The following GALNTL6 variants were observed in gnomAD, a reference collection of about 807,000 sequenced individuals.
GALNTL6 encodes the protein polypeptide N-acetylgalactosaminyltransferase like 6.
Under a neutral mutation model 73.7 loss-of-function variants are expected in GALNTL6, and 46 were observed. The ratio of observed to expected loss-of-function variants is 0.62; its 90% CI spans 0.49 to 0.80. The LOEUF (loss-of-function observed/expected upper bound fraction) is 0.80. GALNTL6 is among the 30% of genes least tolerant of loss of function. The pLI, the probability that GALNTL6 is intolerant of heterozygous loss-of-function variation, is 0.00. For missense variants in GALNTL6, 604 were observed against 755.0 expected (o/e 0.80, Z 2.34); for synonymous variants, 259 against 263.7 (o/e 0.98, Z 0.17).
intron 5 of GALNTL6, among the ~76,000 whole-genome samples, chr4:172,495,672 T>G (rs1263536515): frequency 1.3e-5 from 2 of 152,174 alleles, no homozygotes; most frequent in African/African-American, 4.8e-5. Context: ...ATGCCTTTAG[T>G]ACTTTGCTTT....
At chr4:172,624,070 A>G (rs943973681) in intron 5 of GALNTL6, among the ~76,000 whole-genome samples, 1 of 152,130 alleles carries the variant, frequency 6.6e-6, no homozygotes, top group African/African-American at 2.4e-5. Context: ...GGATCATCCA[A>G]TATAATTTAA....
chr4:172,755,135 A>G (rs766475176), intron 5 of GALNTL6, among the ~76,000 whole-genome samples: 18 of 152,132 alleles, frequency 1.2e-4, no homozygotes, highest in Non-Finnish European at 1.8e-4. Flanking sequence ...TGCAGATTCT[A>G]CTACATCATT....
intron 5 of GALNTL6, among the ~76,000 whole-genome samples, chr4:172,497,051 G>A (rs1450831618): frequency 1.3e-5 from 2 of 152,096 alleles, no homozygotes; most frequent in Admixed American, 6.6e-5. Context: ...AAAATAAAGT[G>A]CCTTTCAATC....
At chr4:172,491,038 CA>C (rs11321007) in intron 5 of GALNTL6, among the ~76,000 whole-genome samples, 149,854 of 151,334 alleles carry the variant, frequency 0.99, 74,215 homozygotes, top group Middle Eastern at 1. Context: ...AAAACAAAGA[CA>C]AAAAAAAAAC....
At chr4:172,576,907 C>A (rs1040078325) in intron 5 of GALNTL6, among the ~76,000 whole-genome samples, 1 of 152,122 alleles carries the variant, frequency 6.6e-6, no homozygotes, top group Non-Finnish European at 1.5e-5. Flanking sequence ...AATTCTCTGC[C>A]ATGGGGATAC....
chr4:172,871,877 G>C (rs572565854), intron 7 of GALNTL6, among the ~76,000 whole-genome samples: 2 of 151,822 alleles, frequency 1.3e-5, no homozygotes, highest in African/African-American at 2.4e-5. Flanking sequence ...TCCTCCTCCC[G>C]GGTTCAAGTG....
chr4:172,254,131 A>G (rs190130558), intron 3 of GALNTL6, among the ~76,000 whole-genome samples: 13 of 151,926 alleles, frequency 8.6e-5, no homozygotes, highest in South Asian at 2.1e-4. Flanking sequence ...ACATTCTGCT[A>G]AAAACGGCTA....
At chr4:171,843,228 T>C (rs1427304845) in intron 2 of GALNTL6, among the ~76,000 whole-genome samples, 1 of 152,118 alleles carries the variant, frequency 6.6e-6, no homozygotes, top group African/African-American at 2.4e-5. Flanking sequence ...CTACAATGAA[T>C]ATTCTGTTTA....
At chr4:171,973,804 ATG>A (rs1739640472) in intron 2 of GALNTL6, among the ~76,000 whole-genome samples, 1 of 152,122 alleles carries the variant, frequency 6.6e-6, no homozygotes, top group South Asian at 2.1e-4. Flanking sequence ...TTATAGAGAC[ATG>A]TGTTTGTCAC....
intron 4 of GALNTL6, among the ~76,000 whole-genome samples, chr4:172,325,318 A>G (rs1578956787): frequency 6.6e-6 from 1 of 151,992 alleles, no homozygotes; most frequent in East Asian, 1.9e-4. Context: ...GAACTATAAA[A>G]CATTAAATTT....
chr4:172,386,610 A>G (rs2111294309), intron 5 of GALNTL6, among the ~76,000 whole-genome samples: 1 of 152,268 alleles, frequency 6.6e-6, no homozygotes, highest in East Asian at 1.9e-4. Context: ...CAGAGAAGTA[A>G]GCATCATGGC....
At chr4:172,126,486 ACCT>A (rs1385647007) in intron 2 of GALNTL6, among the ~76,000 whole-genome samples, 1 of 152,116 alleles carries the variant, frequency 6.6e-6, no homozygotes, top group African/African-American at 2.4e-5. Context: ...GACAGGAAAC[ACCT>A]GAAGTGTAAG....
intron 3 of GALNTL6, among the ~76,000 whole-genome samples, chr4:172,253,539 A>G (rs542905857): frequency 2.0e-5 from 3 of 152,044 alleles, no homozygotes; most frequent in African/African-American, 7.2e-5. Context: ...AGAAATGACA[A>G]TAGTGTGTAA....
chr4:172,584,891 G>T (rs1426952276), intron 5 of GALNTL6, among the ~76,000 whole-genome samples: 1 of 152,164 alleles, frequency 6.6e-6, no homozygotes, highest in Non-Finnish European at 1.5e-5. Context: ...AAATGAAAGG[G>T]CTGTAGAGTG....
intron 2 of GALNTL6, among the ~76,000 whole-genome samples, chr4:172,201,213 G>A (rs751531435): frequency 2.7e-5 from 4 of 147,412 alleles, no homozygotes; most frequent in Non-Finnish European, 6.0e-5. Flanking sequence ...TGTTTGTTTT[G>A]TTTTGTTGTT....
chr4:172,261,193 T>A (rs1231618829), intron 3 of GALNTL6, among the ~76,000 whole-genome samples: 1 of 151,580 alleles, frequency 6.6e-6, no homozygotes, highest in Non-Finnish European at 1.5e-5. Context: ...CAGTTCTTCT[T>A]TGAATATCTG....
intron 3 of GALNTL6, among the ~76,000 whole-genome samples, chr4:172,295,343 A>T (rs1482699921): frequency 6.6e-6 from 1 of 151,402 alleles, no homozygotes; most frequent in Non-Finnish European, 1.5e-5. Context: ...AATCACTTGA[A>T]CCCAGGAGGT....
intron 2 of GALNTL6, among the ~76,000 whole-genome samples, chr4:171,944,668 A>G (rs1287489350): frequency 1.3e-5 from 2 of 151,994 alleles, no homozygotes; most frequent in African/African-American, 2.4e-5. Context: ...GGAGAGTTAT[A>G]TTTAAGTTTC....
chr4:172,902,142 C>T (rs1746660506), intron 8 of GALNTL6, among the ~76,000 whole-genome samples: 2 of 152,130 alleles, frequency 1.3e-5, no homozygotes, highest in Non-Finnish European at 2.9e-5. Context: ...ACAGACCTAA[C>T]GATGTGCATA....
Sources: gnomAD v4.1 joint callset for allele counts (sites outside exome capture counted in the v4.1 genomes callset) on GRCh38, gnomAD v4.1.1 for gene constraint, MANE v1.5 for transcripts, NCBI Gene and HGNC (gene_info 2026-07-23, HGNC 2026-07-21) for gene names.